Variants in DAB1 observed in about 807,000 individuals in gnomAD.
The protein encoded by DAB1 is disabled homolog 1.
Under a neutral mutation model 64.6 loss-of-function variants are expected in DAB1, and 15 were observed. The observed-to-expected ratio is 0.23, with a 90% CI of 0.16 to 0.36. The LOEUF is 0.36. DAB1 is among the 10% of genes least tolerant of loss of function. DAB1 has a pLI of 1.00. For missense variants in DAB1, 596 were observed against 706.7 expected (o/e 0.84, Z 1.78); for synonymous variants, 235 against 251.9 (o/e 0.93, Z 0.64).
At chr1:57,316,736 A>G (rs1675245331) in intron 1 of DAB1, among the ~76,000 whole-genome samples, 1 of 152,188 alleles carries the variant, frequency 6.6e-6, no homozygotes, top group Non-Finnish European at 1.5e-5. Context: ...TTCTGCTGGG[A>G]GCCAAAAAAT....
At chr1:57,019,332 AG>A (rs1646539386) in intron 11 of DAB1, among the ~76,000 whole-genome samples, 1 of 152,140 alleles carries the variant, frequency 6.6e-6, no homozygotes, top group Admixed American at 6.5e-5. Context: ...TGTTGGTGGC[AG>A]GTTTTTTTTC....
At chr1:57,984,178 T>TAAA (rs1646135880) in intron 5 of DAB1, among the ~76,000 whole-genome samples, 1 of 69,916 alleles carries the variant, frequency 1.4e-5, no homozygotes, top group Non-Finnish European at 2.6e-5. Flanking sequence ...CAGGACTAGC[T>TAAA]TAAAAAAAAG....
intron 5 of DAB1, among the ~76,000 whole-genome samples, chr1:57,951,093 T>C (rs891147325): frequency 6.6e-6 from 1 of 152,070 alleles, no homozygotes; most frequent in Admixed American, 6.6e-5. Flanking sequence ...TGAGCTGCCA[T>C]GTTAACACAT....
chr1:57,526,122 G>C (rs1171920469), intron 7 of DAB1, among the ~76,000 whole-genome samples: 2 of 152,010 alleles, frequency 1.3e-5, no homozygotes, highest in African/African-American at 2.4e-5. Flanking sequence ...ATTTTCAGTA[G>C]AGACGGGGTT....
chr1:57,201,113 G>A (rs992723655), intron 2 of DAB1, among the ~76,000 whole-genome samples: 1 of 152,208 alleles, frequency 6.6e-6, no homozygotes, highest in Non-Finnish European at 1.5e-5. Context: ...AGCAAGGTCT[G>A]TGTCTTCAGG....
At chr1:57,905,341 G>A (rs1481472717) in intron 5 of DAB1, among the ~76,000 whole-genome samples, 3 of 152,042 alleles carry the variant, frequency 2.0e-5, no homozygotes, top group Admixed American at 6.6e-5. Flanking sequence ...GTTGAGGTGA[G>A]GAAGGTTGCT....
intron 5 of DAB1, among the ~76,000 whole-genome samples, chr1:58,050,525 A>AT (rs764330112): frequency 6.6e-6 from 1 of 151,694 alleles, no homozygotes; most frequent in Admixed American, 6.6e-5. Flanking sequence ...GCTTTATTTT[A>AT]TTTATTTATT....
chr1:58,385,046 C>T (rs1644421533), intron 3 of DAB1, among the ~76,000 whole-genome samples: 1 of 152,178 alleles, frequency 6.6e-6, no homozygotes, highest in Admixed American at 6.5e-5. Context: ...TCAGTATTAA[C>T]CATCACAGAG....
chr1:57,688,216 G>A (rs1031837782), intron 6 of DAB1, among the ~76,000 whole-genome samples: 3 of 151,916 alleles, frequency 2.0e-5, no homozygotes, highest in Admixed American at 2.0e-4. Context: ...AAATTAATTA[G>A]CAAAAGACAA....
At chr1:57,725,742 ACTGTT>A (rs1557444940) in intron 6 of DAB1, among the ~76,000 whole-genome samples, 1 of 151,380 alleles carries the variant, frequency 6.6e-6, no homozygotes, top group African/African-American at 2.4e-5. Context: ...AATTCATTTA[ACTGTT>A]CTTTTCTTTT....
chr1:58,203,687 C>A (rs1658114658), intron 4 of DAB1, among the ~76,000 whole-genome samples: 1 of 152,132 alleles, frequency 6.6e-6, no homozygotes, highest in South Asian at 2.1e-4. Context: ...GCTGATGCTG[C>A]AGGTCCAAGG....
intron 7 of DAB1, among the ~76,000 whole-genome samples, chr1:57,606,634 T>A (rs1469643350): frequency 9.6e-4 from 91 of 94,990 alleles, no homozygotes; most frequent in East Asian, 3.2e-3. Flanking sequence ...TGAAATATAT[T>A]ATATATGAAA....
intron 7 of DAB1, among the ~76,000 whole-genome samples, chr1:57,587,496 A>G (rs900367797): frequency 2.0e-5 from 3 of 152,170 alleles, no homozygotes; most frequent in Non-Finnish European, 2.9e-5. Flanking sequence ...TCCAGGTCAC[A>G]CAGTTAATAA....
At chr1:57,742,024 T>A (rs1254926389) in intron 6 of DAB1, among the ~76,000 whole-genome samples, 1 of 152,172 alleles carries the variant, frequency 6.6e-6, no homozygotes, top group South Asian at 2.1e-4. Context: ...TTCAACCACC[T>A]GGAGCAGGTT....
At chr1:58,401,497 ATC>A (rs1332474753) in intron 3 of DAB1, among the ~76,000 whole-genome samples, 1 of 151,986 alleles carries the variant, frequency 6.6e-6, no homozygotes, top group African/African-American at 2.4e-5. Context: ...TCATATCTCC[ATC>A]TCCTGCTTTT....
At chr1:58,437,383 G>A (rs706429) in intron 3 of DAB1, among the ~76,000 whole-genome samples, 1 of 152,158 alleles carries the variant, frequency 6.6e-6, no homozygotes, top group Non-Finnish European at 1.5e-5. Flanking sequence ...AGAAAGCCGG[G>A]CAGGAGGACT....
intron 7 of DAB1, among the ~76,000 whole-genome samples, chr1:57,551,899 G>A (rs866784232): frequency 2.0e-5 from 3 of 152,152 alleles, no homozygotes; most frequent in South Asian, 4.1e-4. Context: ...ATGTGCTAGG[G>A]TTATGTTCTA....
chr1:58,051,510 G>A (rs530089244), intron 5 of DAB1, among the ~76,000 whole-genome samples: 19 of 152,118 alleles, frequency 1.2e-4, no homozygotes, highest in African/African-American at 4.1e-4. Flanking sequence ...ATAGACATAC[G>A]TGTGCATGTG....
At position 57,323,664 on chromosome 1, in the gene DAB1, T is replaced by C. The variant is rs965045856; in HGVS notation, c.-136-32498A>G. ...TATGCCCTTGGTATCTAGCAGGGTG[T>C]CCAGCCTACTGCAGATAGTGTATGT... On this transcript the variant is annotated intron_variant, in intron 1 of 14. Transcript: ENST00000371236. 5.9e-5 allele frequency among the ~76,000 whole-genome samples: 9 copies of C among 152,242 alleles called. No homozygotes were observed. In the South Asian group the frequency reaches 1.9e-3, roughly 32 times the overall value.
Sources: allele counts gnomAD v4.1 joint callset (sites outside exome capture counted in the v4.1 genomes callset), GRCh38; gene constraint gnomAD v4.1.1; transcripts MANE v1.5; gene names NCBI Gene and HGNC (gene_info 2026-07-23, HGNC 2026-07-21).